The following COL26A1 variants were observed in gnomAD, a reference collection of about 807,000 sequenced individuals.
COL26A1 encodes collagen alpha-1(XXVI) chain.
Under a neutral mutation model 59.3 loss-of-function variants are expected in COL26A1, and 41 were observed. That is an observed-to-expected ratio of 0.69 (90% confidence interval 0.54 to 0.90). COL26A1 has a LOEUF of 0.90. COL26A1 is among the 40% of genes least tolerant of loss of function. The pLI, the probability that COL26A1 is intolerant of heterozygous loss-of-function variation, is 0.00. For synonymous variants in COL26A1, 266 were observed against 256.0 expected (o/e 1.04, Z -0.37); for missense variants, 612 against 602.3 (o/e 1.02, Z -0.17).
intron 4 of COL26A1, among the ~76,000 whole-genome samples, chr7:101,539,294 A>G (rs1264962469): frequency 1.8e-4 from 25 of 135,896 alleles, no homozygotes; most frequent in Non-Finnish European, 2.4e-4. Context: ...GTGTGTGTGT[A>G]TGTGTGTGTG....
At chr7:101,407,649 TG>T (rs1270022374) in intron 1 of COL26A1, among the ~76,000 whole-genome samples, 1 of 151,384 alleles carries the variant, frequency 6.6e-6, no homozygotes, top group Non-Finnish European at 1.5e-5. Flanking sequence ...ACTCTGGAGG[TG>T]GGGTGCAGAC....
intron 4 of COL26A1, among the ~76,000 whole-genome samples, chr7:101,538,764 G>T (rs1470464136): frequency 2.6e-5 from 4 of 152,246 alleles, no homozygotes; most frequent in Admixed American, 6.5e-5. Flanking sequence ...CTGGGGAGGA[G>T]CCCAGAGCAG....
chr7:101,432,127 A>C (rs1416594451), intron 2 of COL26A1, among the ~76,000 whole-genome samples: 1 of 151,750 alleles, frequency 6.6e-6, no homozygotes, highest in African/African-American at 2.4e-5. Flanking sequence ...TGCCCAGCTA[A>C]TTTTTTGTAT....
At chr7:101,441,356 G>T (rs1367801311) in intron 2 of COL26A1, among the ~76,000 whole-genome samples, 1 of 152,178 alleles carries the variant, frequency 6.6e-6, no homozygotes, top group Non-Finnish European at 1.5e-5. Flanking sequence ...CTGTCACCCA[G>T]ACTGGAGTGC....
At chr7:101,385,534 C>A (rs1177568629) in intron 1 of COL26A1, among the ~76,000 whole-genome samples, 1 of 151,704 alleles carries the variant, frequency 6.6e-6, no homozygotes, top group African/African-American at 2.4e-5. Context: ...CCATGCCCAG[C>A]TAATTTTTGT....
intron 2 of COL26A1, among the ~76,000 whole-genome samples, chr7:101,425,967 T>A (rs1429966638): frequency 6.6e-6 from 1 of 151,598 alleles, no homozygotes; most frequent in Non-Finnish European, 1.5e-5. Context: ...GCTGGGACCA[T>A]AGGTGTGTGC....
chr7:101,515,396 G>A (rs1016716283), intron 3 of COL26A1, among the ~76,000 whole-genome samples: 4 of 151,850 alleles, frequency 2.6e-5, no homozygotes, highest in African/African-American at 9.7e-5. Flanking sequence ...TGATTCTCCT[G>A]CCTCAGCCTC....
intron 1 of COL26A1, among the ~76,000 whole-genome samples, chr7:101,400,189 T>G (rs1388249262): frequency 1.3e-5 from 2 of 151,774 alleles, no homozygotes; most frequent in African/African-American, 2.4e-5. Context: ...CATTCTAGAC[T>G]TTGGTGGGCT....
At position 101,521,252 on chromosome 7, in the gene COL26A1, C is replaced by T. The variant is rs551547661; in HGVS notation, c.386-11830C>T. On this transcript the variant is annotated intron_variant, in intron 3 of 12. Transcript: ENST00000313669. Reference sequence around the variant, plus strand: ...CCAGTCACCTCCCACCGTGTCCCTCCCTTGATACATGGGGATTACAATTCG... The same window carrying T: ...CCAGTCACCTCCCACCGTGTCCCTCTCTTGATACATGGGGATTACAATTCG... Among the ~76,000 whole-genome samples the T allele has an allele frequency of 2.6e-5, 4 of 152,322 alleles. No individual in the cohort carries two copies. In the South Asian group the frequency reaches 8.3e-4, roughly 32 times the overall value.
chr7:101,550,643 G>T (rs1238706019), intron 9 of COL26A1, among the ~76,000 whole-genome samples: 1 of 151,440 alleles, frequency 6.6e-6, no homozygotes, highest in African/African-American at 2.5e-5. Flanking sequence ...CTTCGGGATG[G>T]GGGGCACCAG....
At chr7:101,434,096 CTTTCTGCTTTCTTTCTTTTTCTTTCTTT>C (rs1433868109) in intron 2 of COL26A1, among the ~76,000 whole-genome samples, 35 of 107,470 alleles carry the variant, frequency 3.3e-4, no homozygotes, top group Middle Eastern at 9.6e-3. Context: ...CTCCCTCTTT[CTTTCTGCTTTCTTTCTTTTTCTTTCTTT>C]CTTTCTTCTT....
chr7:101,497,215 T>C (rs548601200), intron 3 of COL26A1, among the ~76,000 whole-genome samples: 1 of 152,130 alleles, frequency 6.6e-6, no homozygotes, highest in South Asian at 2.1e-4. Flanking sequence ...TCCATCCTGG[T>C]GGACAAGAGC....
chr7:101,420,381 C>T (rs1350966600), intron 2 of COL26A1, among the ~76,000 whole-genome samples: 1 of 152,116 alleles, frequency 6.6e-6, no homozygotes, highest in African/African-American at 2.4e-5. Context: ...GTATGGGATC[C>T]GAGGTCGGGG....
At chr7:101,535,860 G>T (rs985437520) in intron 4 of COL26A1, among the ~76,000 whole-genome samples, 20 of 152,288 alleles carry the variant, frequency 1.3e-4, no homozygotes, top group African/African-American at 4.8e-4. Flanking sequence ...CTTGGGCCTG[G>T]AGTGTGCAGA....
intron 2 of COL26A1, among the ~76,000 whole-genome samples, chr7:101,421,232 G>A (rs1286371926): frequency 6.6e-6 from 1 of 152,172 alleles, no homozygotes; most frequent in Non-Finnish European, 1.5e-5. Context: ...AGGGAGGAGA[G>A]CTGATGTTGC....
intron 2 of COL26A1, among the ~76,000 whole-genome samples, chr7:101,430,150 T>C (rs1661085585): frequency 6.6e-6 from 1 of 152,192 alleles, no homozygotes; most frequent in African/African-American, 2.4e-5. Context: ...TTTGATATCT[T>C]GTAGTTTTGG....
At chr7:101,459,576 G>A (rs4729713) in intron 3 of COL26A1, among the ~76,000 whole-genome samples, 25,433 of 151,208 alleles carry the variant, frequency 0.17, 3,010 homozygotes, top group East Asian at 0.33. Context: ...CCAAAGCATT[G>A]GGATTACAGG....
intron 1 of COL26A1, among the ~76,000 whole-genome samples, chr7:101,414,733 G>A (rs952530968): frequency 9.2e-5 from 14 of 152,068 alleles, no homozygotes; most frequent in African/African-American, 2.2e-4. Context: ...CACTGCGCCC[G>A]GCTCACCTTT....
chr7:101,480,404 T>C (rs188381332), intron 3 of COL26A1, among the ~76,000 whole-genome samples: 1 of 152,336 alleles, frequency 6.6e-6, no homozygotes, highest in African/African-American at 2.4e-5. Context: ...TTTTTAAACA[T>C]TCTTATTTTA....
Sources: gnomAD v4.1 joint callset for allele counts (sites outside exome capture counted in the v4.1 genomes callset) on GRCh38, gnomAD v4.1.1 for gene constraint, MANE v1.5 for transcripts, NCBI Gene and HGNC (gene_info 2026-07-23, HGNC 2026-07-21) for gene names.